The following OSBPL10 variants were observed in gnomAD, a reference collection of about 807,000 sequenced individuals.
The protein encoded by OSBPL10 is oxysterol binding protein like 10.
A neutral mutation model predicts 81.7 loss-of-function variants in OSBPL10; 49 were observed. The observed-to-expected ratio is 0.60, with a 90% CI of 0.48 to 0.76. The LOEUF is 0.76. OSBPL10 is among the 30% of genes least tolerant of loss of function. OSBPL10 has a pLI of 0.00. For synonymous variants in OSBPL10, 419 were observed against 383.6 expected, an observed-to-expected ratio of 1.09 and a Z score of -1.08; for missense variants, 923 against 987.8, an observed-to-expected ratio of 0.93 and a Z score of 0.88.
chr3:31,880,282 G>A (rs1414955829), intron 1 of OSBPL10, among the ~76,000 whole-genome samples: 1 of 152,188 alleles, frequency 6.6e-6, no homozygotes, highest in Non-Finnish European at 1.5e-5. Flanking sequence ...CCTGCCAGTG[G>A]CATGGGTACC....
At chr3:31,759,133 A>G (rs1697964069) in intron 4 of OSBPL10, among the ~76,000 whole-genome samples, 1 of 152,102 alleles carries the variant, frequency 6.6e-6, no homozygotes, top group African/African-American at 2.4e-5. Flanking sequence ...CATGTTGGTA[A>G]CAAGGGGTGC....
chr3:32,068,498 C>T (rs984539600), intron 1 of OSBPL10, among the ~76,000 whole-genome samples: 1 of 152,156 alleles, frequency 6.6e-6, no homozygotes, highest in African/African-American at 2.4e-5. Context: ...CCTCCTTCTT[C>T]TCCCTTAGCC....
chr3:32,048,107 G>A (rs569954072), intron 1 of OSBPL10, among the ~76,000 whole-genome samples: 12 of 152,114 alleles, frequency 7.9e-5, no homozygotes, highest in Non-Finnish European at 1.2e-4. Flanking sequence ...AGATGGAGTT[G>A]CTATGCTTCA....
chr3:31,678,000 G>A (rs936123131), intron 8 of OSBPL10, among the ~76,000 whole-genome samples: 6 of 145,516 alleles, frequency 4.1e-5, no homozygotes, highest in African/African-American at 1.6e-4. Flanking sequence ...AGAATGGCGT[G>A]AACCCAGGAA....
intron 1 of OSBPL10, among the ~76,000 whole-genome samples, chr3:31,963,868 G>C (rs1436776182): frequency 6.6e-6 from 1 of 151,652 alleles, no homozygotes; most frequent in Non-Finnish European, 1.5e-5. Context: ...CAAGGTCCTG[G>C]GCTCAAGCCA....
upstream of OSBPL10, among the ~76,000 whole-genome samples, chr3:31,985,583 G>A (rs572229418): frequency 1.3e-3 from 204 of 152,302 alleles, no homozygotes; most frequent in African/African-American, 4.6e-3. Context: ...TAGTTAGAAA[G>A]CCTTAGGAGG....
intron 2 of OSBPL10, chr3:32,030,236 T>C (rs1167928106): frequency 1.0e-5 from 3 of 299,602 alleles, no homozygotes; most frequent in East Asian, 1.5e-4. Context: ...ACGTGATACA[T>C]GTTCTCCAGG....
At chr3:32,058,580 G>A (rs1699730121) in intron 1 of OSBPL10, among the ~76,000 whole-genome samples, 1 of 152,142 alleles carries the variant, frequency 6.6e-6, no homozygotes, top group Non-Finnish European at 1.5e-5. Context: ...GCCCACCTCG[G>A]CCTCCCAAAG....
At chr3:31,813,007 AG>A (rs1337744116) in intron 4 of OSBPL10, among the ~76,000 whole-genome samples, 1 of 152,178 alleles carries the variant, frequency 6.6e-6, no homozygotes, top group Non-Finnish European at 1.5e-5. Context: ...AACCAGCATA[AG>A]TCACATATTA....
Position 32,030,478 on chromosome 3 carries a change from C to T in OSBPL10, n.298+16013G>A, listed in dbSNP as rs976167662. ...CAAGAGAATTAATGTGCGTATTAAG[C>T]GTATTAAGCACTCTAAGGGCTGAGA... is the stretch of plus-strand genomic sequence containing the variant. On this transcript the variant is annotated intron_variant and non_coding_transcript_variant, in intron 2 of 3. Coordinates refer to the OSBPL10 transcript ENST00000479173. The T allele has an allele frequency of 2.4e-5, 17 of 696,176 alleles. No individual in the cohort carries two copies. In the Admixed American group the frequency reaches 2.8e-4, roughly 12 times the overall value. 43.1% of individuals were successfully genotyped at this position (696,176 alleles called of 1,614,324 possible).
At chr3:31,903,330 GT>G (rs11383935) in intron 1 of OSBPL10, among the ~76,000 whole-genome samples, 61 of 137,348 alleles carry the variant, frequency 4.4e-4, no homozygotes, top group Non-Finnish European at 5.1e-4. Context: ...TGCTTTTTAG[GT>G]TTTTTTTTTT....
intron 4 of OSBPL10, among the ~76,000 whole-genome samples, chr3:31,805,537 T>G (rs952335531): frequency 1.3e-5 from 2 of 152,198 alleles, no homozygotes; most frequent in African/African-American, 4.8e-5. Flanking sequence ...TAATTTGAAA[T>G]GACTAGTAAA....
In OSBPL10 at chr3:31,733,395, C is replaced by A; in HGVS notation, c.957G>T (p.Trp319Cys). The stretch of plus-strand genomic sequence containing the variant: ...CTGTGGAATGTGACTTGGACCCGTG[C>A]CATCCCAGGATGTTTTCTGAAATAA... ...KPGASENILG[W>C]HGSKSHSTEQ... Residue 319 changes from tryptophan to cysteine, a missense_variant, in exon 6 of 12, where the codon TGG becomes TGT. This residue lies in a region of OSBPL10 where 514 missense variants were observed against 508.0 expected (regional missense o/e 1.01). Coordinates refer to ENST00000396556, the MANE Select transcript of OSBPL10 (RefSeq NM_017784.5). The A allele has an allele frequency of 1.2e-6, 2 of 1,614,124 alleles. No individual in the cohort carries two copies. Among genetic ancestry groups the A allele is most frequent in the Non-Finnish European group, 1.7e-6 (2 of 1,180,014 alleles).
At chr3:31,692,817 T>A (rs1043427316) in intron 7 of OSBPL10, among the ~76,000 whole-genome samples, 3 of 152,330 alleles carry the variant, frequency 2.0e-5, no homozygotes, top group African/African-American at 7.2e-5. Context: ...AGAGCTGGAA[T>A]GAGAATCAAT....
At chr3:31,815,024 A>C (rs1433907801) in intron 4 of OSBPL10, among the ~76,000 whole-genome samples, 2 of 152,102 alleles carry the variant, frequency 1.3e-5, no homozygotes, top group Admixed American at 1.3e-4. Context: ...AGAAACTAGC[A>C]ACTTCTGCTC....
intron 2 of OSBPL10, chr3:31,989,226 C>T (rs1302945295): frequency 6.2e-7 from 1 of 1,614,162 alleles, no homozygotes; most frequent in South Asian, 1.1e-5. Context: ...GGGCTTTATA[C>T]AGGGCCATGA....
At chr3:31,955,179 T>G (rs369688477) in intron 1 of OSBPL10, among the ~76,000 whole-genome samples, 159 of 152,306 alleles carry the variant, frequency 1.0e-3, no homozygotes, top group African/African-American at 3.7e-3. Flanking sequence ...AAAGGAAAGA[T>G]GACAAAATTG....
At chr3:31,801,793 T>C (rs530381252) in intron 4 of OSBPL10, among the ~76,000 whole-genome samples, 1 of 152,184 alleles carries the variant, frequency 6.6e-6, no homozygotes, top group Admixed American at 6.5e-5. Context: ...TCTCTGCTTA[T>C]AAGAACTAAG....
chr3:31,803,009 G>A (rs1575554999), intron 4 of OSBPL10, among the ~76,000 whole-genome samples: 1 of 140,260 alleles, frequency 7.1e-6, no homozygotes, highest in East Asian at 2.1e-4. Flanking sequence ...CTAAGTCTGA[G>A]CTGAACTAAT....
Sources: gnomAD v4.1 joint callset for allele counts (sites outside exome capture counted in the v4.1 genomes callset) on GRCh38, gnomAD v4.1.1 for gene constraint, gnomAD v4.1.1 regional missense constraint, MANE v1.5 for transcripts, NCBI Gene and HGNC (gene_info 2026-07-23, HGNC 2026-07-21) for gene names.